The following RUNX3 variants were observed in gnomAD, a reference collection of about 807,000 sequenced individuals.
The protein encoded by RUNX3 is RUNX family transcription factor 3.
A neutral mutation model predicts 27.7 loss-of-function variants in RUNX3; 10 were observed. The observed-to-expected ratio is 0.36, with a 90% confidence interval of 0.22 to 0.61. The LOEUF is 0.61. RUNX3 is among the 20% of genes least tolerant of loss of function. RUNX3 has a pLI of 0.72. For missense variants in RUNX3, 469 were observed against 629.5 expected (o/e 0.75, Z 2.73); for synonymous variants, 270 against 269.2 (o/e 1.00, Z -0.03).
At chr1:24,922,022 C>T (rs1225773755) in intron 2 of RUNX3, among the ~76,000 whole-genome samples, 1 of 152,104 alleles carries the variant, frequency 6.6e-6, no homozygotes, top group African/African-American at 2.4e-5. Context: ...ATGATCATAG[C>T]TCACTGCAGC....
upstream of RUNX3, among the ~76,000 whole-genome samples, chr1:24,934,764 C>T (rs372009731): frequency 6.8e-3 from 1,042 of 152,268 alleles, 108 homozygotes; most frequent in South Asian, 0.2. Context: ...CCAAGCATGT[C>T]AGCACTCTCC....
rs1397564080 is a variant in RUNX3, at chr1:24,902,103, G to C, written c.*19C>G. On this transcript the variant is annotated 3_prime_UTR_variant, in exon 5 of 5. Transcript: ENST00000308873. The surrounding 1 kb of genome is among the most constrained non-coding windows in gnomAD (Gnocchi z 9.2). ...TTGTTAGGGTCCCCGCCTCCAGCGG[G>C]AGGAGTCCACCAGGGCGGTCAGTAG... 4 of 1,511,734 alleles carry C rather than the reference G, an allele frequency of 2.6e-6. No individual in the cohort carries two copies. The highest frequency in any genetic ancestry group is 3.5e-6 in the Non-Finnish European group (4 of 1,128,648). 93.6% of individuals were successfully genotyped at this position (1,511,734 alleles called of 1,614,324 possible). A position where few individuals can be genotyped will look rare whatever the true frequency, so the allele number is the denominator to read the frequency against.
chr1:24,902,317 A>G lies in RUNX3; in HGVS notation c.1053T>C (p.Ser351=). 6.2e-7 allele frequency: 1 copy of G among 1,608,896 alleles called. No individual in the cohort carries two copies. The highest frequency in any genetic ancestry group is 8.5e-7 in the Non-Finnish European group (1 of 1,178,888). Residue 351 remains serine, a synonymous_variant, in exon 5 of 5, where the codon AGT becomes AGC. Coordinates refer to ENST00000308873, the MANE Select transcript of RUNX3 (RefSeq NM_004350.3). This position sits in a 1 kb window ranked among gnomAD's most constrained non-coding sequence, Gnocchi z 9.2. ...YQFSMVAGSS[S]GGDRSPTRML... ...TGCGGGTAGGTGAGCGGTCGCCCCC[A>G]CTGCTGCTGCCGGCCACCATGGAGA...
At chr1:24,940,305 G>A (rs916019874) in intron 2 of RUNX3, among the ~76,000 whole-genome samples, 21 of 152,304 alleles carry the variant, frequency 1.4e-4, no homozygotes, top group African/African-American at 5.1e-4. Flanking sequence ...TCAGCTCATA[G>A]CAAACACGTA....
At chr1:24,907,639 A>G (rs531735492) in intron 3 of RUNX3, among the ~76,000 whole-genome samples, 1 of 151,492 alleles carries the variant, frequency 6.6e-6, no homozygotes, top group Admixed American at 6.6e-5. Flanking sequence ...TCTACAACAC[A>G]CGGTGATCCA....
At chr1:24,935,054 A>G (rs1394855690), upstream of RUNX3, among the ~76,000 whole-genome samples, 1 of 152,210 alleles carries the variant, frequency 6.6e-6, no homozygotes, top group Non-Finnish European at 1.5e-5. Flanking sequence ...ACAGATGGGA[A>G]CACTGAGGCC....
chr1:24,922,913 T>C (rs1337635515), intron 2 of RUNX3, among the ~76,000 whole-genome samples: 1 of 150,908 alleles, frequency 6.6e-6, no homozygotes, highest in Non-Finnish European at 1.5e-5. Flanking sequence ...TAATAATCCA[T>C]CTACTCATTT....
chr1:24,926,623 C>T (rs1641104650), intron 2 of RUNX3, among the ~76,000 whole-genome samples: 1 of 152,220 alleles, frequency 6.6e-6, no homozygotes, highest in Non-Finnish European at 1.5e-5. Flanking sequence ...TCAGAGGGAA[C>T]TAGAACCTTG....
At position 24,942,542 on chromosome 1, in the gene RUNX3, C is replaced by T. The variant is rs141371304; in HGVS notation, c.59-12690G>A. Among the ~76,000 whole-genome samples the T allele has an allele frequency of 1.3e-3, 204 of 152,086 alleles. 2 individuals are homozygous for T. The highest frequency in any genetic ancestry group is 4.3e-3 in the African/African-American group (177 of 41,466). ...AAGGTCTGTCGGAGCAGGTGACATGCGAGCTGAGACCAGAGGGTTGAGAGG... is the reference window on the plus strand; with the variant it reads ...AAGGTCTGTCGGAGCAGGTGACATGTGAGCTGAGACCAGAGGGTTGAGAGG... On this transcript the variant is annotated intron_variant, in intron 2 of 6. Coordinates refer to the RUNX3 transcript ENST00000338888.
intron 2 of RUNX3, among the ~76,000 whole-genome samples, chr1:24,959,019 G>A (rs556043687): frequency 3.9e-5 from 6 of 152,332 alleles, no homozygotes; most frequent in African/African-American, 1.2e-4. Context: ...GGAGGAGTCC[G>A]GACTGGCTCA....
At chr1:24,929,545 GC>G in intron 1 of RUNX3, 41 bp downstream of exon 1, 1 of 1,517,600 alleles carries the variant, frequency 6.6e-7, no homozygotes. Context: ...GACGCCCGGA[GC>G]CCCAGGGCCG....
intron 2 of RUNX3, among the ~76,000 whole-genome samples, chr1:24,956,404 C>T (rs1156565510): frequency 1.3e-5 from 2 of 152,254 alleles, no homozygotes; most frequent in Non-Finnish European, 2.9e-5. Flanking sequence ...GTATTAACTA[C>T]TATGGACTTT....
intron 2 of RUNX3, among the ~76,000 whole-genome samples, chr1:24,926,796 G>A (rs1641107972): frequency 6.6e-6 from 1 of 152,156 alleles, no homozygotes; most frequent in African/African-American, 2.4e-5. Context: ...CTTCTCGTAG[G>A]CAGGCTGGTC....
intron 3 of RUNX3, among the ~76,000 whole-genome samples, chr1:24,908,263 CGCGGTGATCCAA>C (rs1557837417): frequency 9.4e-5 from 14 of 148,760 alleles, no homozygotes; most frequent in African/African-American, 3.4e-4. Context: ...CTCTACGACA[CGCGGTGATCCAA>C]ACCTCTACGA....
chr1:24,935,231 C>T (rs1195315988), upstream of RUNX3, among the ~76,000 whole-genome samples: 2 of 152,238 alleles, frequency 1.3e-5, no homozygotes, highest in South Asian at 4.1e-4. Flanking sequence ...CAGTGCCTCT[C>T]GCCCAGGGGA....
chr1:24,943,963 G>A lies in RUNX3; in HGVS notation c.59-14111C>T, dbSNP rs191765879. ...GTTAGGGAAGATCACCAGTTCCCTG[G>A]TGTTGTGGGAGGTGAGACTGTGCCC... is the stretch of plus-strand genomic sequence containing the variant. On this transcript the variant is annotated intron_variant, in intron 2 of 6. Coordinates refer to the RUNX3 transcript ENST00000338888. This position sits in a 1 kb window ranked among gnomAD's most constrained non-coding sequence, Gnocchi z 4.6. Among the ~76,000 whole-genome samples, 33 of 152,304 alleles carry A rather than the reference G, an allele frequency of 2.2e-4. No individual in the cohort carries two copies. Among genetic ancestry groups the A allele is most frequent in the African/African-American group, 7.9e-4 (33 of 41,554 alleles).
intron 3 of RUNX3, among the ~76,000 whole-genome samples, chr1:24,908,954 T>C (rs1210650032): frequency 6.6e-6 from 1 of 152,190 alleles, no homozygotes; most frequent in Non-Finnish European, 1.5e-5. Flanking sequence ...GGGGCTTGCA[T>C]GAGGGACTAG....
chr1:24,929,763 G>T lies in RUNX3; in HGVS notation c.106C>A (p.Leu36Met). ...GGCCCCACGGCCGCCTGCGCGCTCA[G>T]CGCGCCGCTGTTCTCGCCCATCTTG... Reference protein sequence around the residue: ...GGKMGENSGALSAQAAVGPGG... With the variant: ...GGKMGENSGAMSAQAAVGPGG... Residue 36 changes from leucine (L) to methionine (M), a missense_variant, in exon 1 of 5, where the codon CTG (leucine) becomes ATG (methionine). Around this residue, in one of 3 missense-constraint regions of RUNX3, gnomAD observed 115 missense variants for 118.0 expected, o/e 0.97. Coordinates refer to ENST00000308873, the MANE Select transcript of RUNX3 (RefSeq NM_004350.3). 1 of 1,463,242 alleles carries T rather than the reference G, an allele frequency of 6.8e-7. No individual in the cohort carries two copies. The highest frequency in any genetic ancestry group is 9.0e-7 in the Non-Finnish European group (1 of 1,116,834). The allele number at this position is 1,463,242 out of a possible 1,614,324, so 90.6% of individuals were successfully genotyped here.
chr1:24,918,230 C>T (rs549914463), intron 3 of RUNX3, among the ~76,000 whole-genome samples: 1 of 145,292 alleles, frequency 6.9e-6, no homozygotes, highest in East Asian at 1.9e-4. Flanking sequence ...CAGGGCTAGG[C>T]CTCCTGCCCC....
Sources: gnomAD v4.1 joint callset for allele counts (sites outside exome capture counted in the v4.1 genomes callset) on GRCh38, gnomAD v4.1.1 for gene constraint, gnomAD v4.1.1 regional missense constraint, Gnocchi (gnomAD v3.1) non-coding constraint, MANE v1.5 for transcripts, NCBI Gene and HGNC (gene_info 2026-07-23, HGNC 2026-07-21) for gene names.